CENPQ: variants seen among roughly 807,000 people sequenced by gnomAD.
CENPQ encodes the protein centromere protein Q, also known as chromosome 6 open reading frame 139.
A neutral mutation model predicts 36.6 loss-of-function variants in CENPQ; 27 were observed. The ratio of observed to expected loss-of-function variants is 0.74; its 90% confidence interval spans 0.54 to 1.02. The LOEUF (loss-of-function observed/expected upper bound fraction) is 1.02, where lower values mean the gene tolerates loss of function less well. Ranked by LOEUF, CENPQ falls within the 50% of genes least tolerant of loss-of-function variation. The pLI is 0.00. For synonymous variants in CENPQ, 101 were observed against 101.7 expected (o/e 0.99, Z 0.04); for missense variants, 306 against 301.8 (o/e 1.01, Z -0.10).
intron 3 of CENPQ, among the ~76,000 whole-genome samples, chr6:49,471,586 A>G (rs989981888): frequency 6.6e-6 from 1 of 152,054 alleles, no homozygotes; most frequent in Non-Finnish European, 1.5e-5. Context: ...CCTTCTCTCC[A>G]ACACTCATTT....
chr6:49,463,944 TCTC>T (rs1201280929), intron 1 of CENPQ, among the ~76,000 whole-genome samples: 2 of 152,062 alleles, frequency 1.3e-5, no homozygotes, highest in African/African-American at 4.8e-5. Flanking sequence ...TCTTTTCACT[TCTC>T]CTATACACAT....
chr6:49,467,724 A>C (rs1403296808), intron 1 of CENPQ, among the ~76,000 whole-genome samples: 2 of 152,220 alleles, frequency 1.3e-5, no homozygotes, highest in South Asian at 2.1e-4. Context: ...GAAGAAAATG[A>C]TTAATGGACC....
chr6:49,484,249 A>C (rs1373548961), intron 6 of CENPQ, among the ~76,000 whole-genome samples: 3 of 152,206 alleles, frequency 2.0e-5, no homozygotes, highest in Non-Finnish European at 1.5e-5. Context: ...TGTTTTTATA[A>C]ATGTGATAAA....
In CENPQ at chr6:49,483,465, G is replaced by C. The variant is rs538209193; in HGVS notation, c.477+2385G>C. ...GGTCGATGGGACTGGGCACTGTGGAGCAGGGGGCGGCGCTCATGGGGGAGG... is the reference window on the plus strand; with the variant it reads ...GGTCGATGGGACTGGGCACTGTGGACCAGGGGGCGGCGCTCATGGGGGAGG... On this transcript the variant is annotated intron_variant, in intron 6 of 8. Transcript: ENST00000335783. 2.6e-5 allele frequency among the ~76,000 whole-genome samples: 4 copies of C among 152,276 alleles called. No homozygotes were observed. In the East Asian group the frequency reaches 7.8e-4, roughly 30 times the overall value.
Position 49,490,472 on chromosome 6 carries a change from C to T in CENPQ, c.676-1672C>T, listed in dbSNP as rs546639090. On this transcript the variant is annotated intron_variant, in intron 8 of 8. Transcript: ENST00000335783. Reference sequence around the variant, plus strand: ...CTGGTTTGATCTTCCATCCAGACCACTCAGACTTCCCATATCAACAATAAG... The same window carrying T: ...CTGGTTTGATCTTCCATCCAGACCATTCAGACTTCCCATATCAACAATAAG... Among the ~76,000 whole-genome samples the T allele has an allele frequency of 2.0e-5, 3 of 152,336 alleles. No homozygotes were observed. The East Asian group carries it at 5.8e-4, about 29-fold the overall frequency.
intron 1 of CENPQ, among the ~76,000 whole-genome samples, chr6:49,466,355 C>A (rs1422579869): frequency 6.6e-6 from 1 of 152,144 alleles, no homozygotes; most frequent in African/African-American, 2.4e-5. Context: ...GGAAAAATGG[C>A]ATCAATATAG....
In CENPQ at chr6:49,492,423, C is replaced by T; in HGVS notation, c.*148C>T. 3.0e-6 allele frequency: 2 copies of T among 675,362 alleles called. No individual in the cohort carries two copies. The highest frequency in any genetic ancestry group is 4.6e-6 in the Non-Finnish European group (2 of 433,620). The allele number at this position is 675,362 out of a possible 1,614,324, so 41.8% of individuals were successfully genotyped here. ...CACTTTAAAATTAGTCTTTGTAGTT[C>T]TATCATTAGCATCTAATGTAGTTCT... On this transcript the variant is annotated 3_prime_UTR_variant, in exon 9 of 9. Coordinates refer to ENST00000335783, the MANE Select transcript of CENPQ (RefSeq NM_018132.4).
chr6:49,470,049 A>T, intron 1 of CENPQ, 110 bp from the exon 2 acceptor site: 1 of 539,988 alleles, frequency 1.9e-6, no homozygotes, highest in Non-Finnish European at 3.2e-6. Flanking sequence ...AAAAAAAAAA[A>T]AAAGAGAATG....
chr6:49,467,425 G>T (rs1581842357), intron 1 of CENPQ, among the ~76,000 whole-genome samples: 1 of 152,220 alleles, frequency 6.6e-6, no homozygotes, highest in African/African-American at 2.4e-5. Flanking sequence ...AATGGGGAAG[G>T]GCAGGGATTA....
chr6:49,470,639 A>C (rs2127423825), intron 2 of CENPQ, among the ~76,000 whole-genome samples: 1 of 151,454 alleles, frequency 6.6e-6, no homozygotes, highest in South Asian at 2.1e-4. Context: ...AAAAAAAAAA[A>C]AAAAAAAGTT....
intron 6 of CENPQ, among the ~76,000 whole-genome samples, chr6:49,484,835 G>C (rs1490545978): frequency 6.6e-6 from 1 of 152,124 alleles, no homozygotes; most frequent in Admixed American, 6.5e-5. Flanking sequence ...ATTGGCACTA[G>C]CTTCATCACC....
rs540196073 is a variant in CENPQ at position 49,479,175 on chromosome 6, T to C, written c.348-1776T>C. On this transcript the variant is annotated intron_variant, in intron 5 of 8. Coordinates refer to ENST00000335783, the MANE Select transcript of CENPQ (RefSeq NM_018132.4). The stretch of plus-strand genomic sequence containing the variant: ...TTAATGAGAATTATGATTTGTGGGG[T>C]TTTTGCTGCCTACTTTTTTCTTTAC... Among the ~76,000 whole-genome samples, 4 of 152,096 alleles carry C rather than the reference T, an allele frequency of 2.6e-5. No individual in the cohort carries two copies. The East Asian group carries it at 7.7e-4, about 29-fold the overall frequency.
chr6:49,490,147 C>A (rs1768686117), intron 8 of CENPQ, among the ~76,000 whole-genome samples: 1 of 152,220 alleles, frequency 6.6e-6, no homozygotes, highest in Non-Finnish European at 1.5e-5. Flanking sequence ...GCATCTTCTT[C>A]CAATAGAATG....
chr6:49,478,868 A>C (rs1031897664), intron 5 of CENPQ, among the ~76,000 whole-genome samples: 1 of 152,168 alleles, frequency 6.6e-6, no homozygotes, highest in African/African-American at 2.4e-5. Flanking sequence ...GTGGTGATTA[A>C]ATGTTGCTGA....
chr6:49,472,792 C>A lies in CENPQ; in HGVS notation c.281C>A (p.Thr94Lys). The A allele has an allele frequency of 2.1e-6, 3 of 1,437,616 alleles. No individual in the cohort carries two copies. The highest frequency in any genetic ancestry group is 2.8e-6 in the Non-Finnish European group (3 of 1,065,444). 89.1% of individuals were successfully genotyped at this position (1,437,616 alleles called of 1,614,324 possible). A position where few individuals can be genotyped will look rare whatever the true frequency, so the allele number is the denominator to read the frequency against. ...LQTMMESVIM[T>K]ILSNSIKEKE... ...TTCCATCTTTTTTTCTTTTCTAGGA[C>A]AATTTTGAGTAACAGTATTAAAGAA... Residue 94 changes from threonine (T) to lysine (K), a missense_variant and splice_region_variant, in exon 5 of 9, where the codon ACA becomes AAA. Coordinates refer to ENST00000335783, the MANE Select transcript of CENPQ (RefSeq NM_018132.4).
intron 6 of CENPQ, among the ~76,000 whole-genome samples, chr6:49,485,961 T>C (rs989224356): frequency 6.6e-6 from 1 of 152,134 alleles, no homozygotes. Context: ...CCCTTTGTAG[T>C]GGGTTGAATC....
intron 5 of CENPQ, among the ~76,000 whole-genome samples, chr6:49,474,695 C>A (rs1288275475): frequency 2.6e-5 from 4 of 152,058 alleles, no homozygotes; most frequent in Non-Finnish European, 4.4e-5. Flanking sequence ...ACACAAAAAA[C>A]CCTTCAAAAA....
intron 6 of CENPQ, among the ~76,000 whole-genome samples, chr6:49,485,618 G>GA (rs1768558015): frequency 1.3e-5 from 2 of 152,162 alleles, no homozygotes; most frequent in South Asian, 4.1e-4. Context: ...ATCAGAATTA[G>GA]AAATACTGAT....
intron 5 of CENPQ, among the ~76,000 whole-genome samples, chr6:49,473,566 A>G (rs961934793): frequency 5.9e-5 from 9 of 152,206 alleles, no homozygotes; most frequent in Non-Finnish European, 1.0e-4. Context: ...CTGCAAAAAC[A>G]TGCCAAATTG....
Sources: allele counts gnomAD v4.1 joint callset (sites outside exome capture counted in the v4.1 genomes callset), GRCh38; gene constraint gnomAD v4.1.1; transcripts MANE v1.5; gene names NCBI Gene and HGNC (gene_info 2026-07-23, HGNC 2026-07-21).